The following KLHL1 variants were observed in gnomAD, a reference collection of about 807,000 sequenced individuals.
KLHL1 encodes kelch like family member 1, also known as kelch-like protein 1.
Under a neutral mutation model 77.7 loss-of-function variants are expected in KLHL1, and 47 were observed. That is an observed-to-expected ratio of 0.60 (90% CI 0.48 to 0.77). KLHL1 has a LOEUF of 0.77. Among genes scored for constraint, KLHL1 ranks in the 30% least tolerant of loss-of-function variants. The pLI, the probability that KLHL1 is intolerant of heterozygous loss-of-function variation, is 0.00. For synonymous variants in KLHL1, 360 were observed against 325.2 expected, an observed-to-expected ratio of 1.11 and a Z score of -1.15; for missense variants, 925 against 910.8, an observed-to-expected ratio of 1.02 and a Z score of -0.20.
intron 8 of KLHL1, among the ~76,000 whole-genome samples, chr13:69,730,200 A>AG (rs1213921155): frequency 6.6e-6 from 1 of 152,156 alleles, no homozygotes; most frequent in East Asian, 1.9e-4. Flanking sequence ...GTCATAAAGA[A>AG]GGTCACAGAG....
chr13:69,895,726 T>TC (rs71116956), intron 4 of KLHL1, among the ~76,000 whole-genome samples: 6 of 151,350 alleles, frequency 4.0e-5, no homozygotes, highest in African/African-American at 9.7e-5. Context: ...TTTTTTTTTT[T>TC]CAAGGTCTTG....
chr13:69,917,159 T>A (rs539289174), intron 4 of KLHL1, among the ~76,000 whole-genome samples: 1 of 152,138 alleles, frequency 6.6e-6, no homozygotes, highest in East Asian at 1.9e-4. Flanking sequence ...GAGTAAGCTG[T>A]AGCAAGTCAA....
chr13:70,030,933 A>G (rs994024024), intron 1 of KLHL1, among the ~76,000 whole-genome samples: 3 of 152,246 alleles, frequency 2.0e-5, no homozygotes, highest in African/African-American at 7.2e-5. Flanking sequence ...TCCCACAGAA[A>G]TAGAAACTGC....
At chr13:70,026,524 AGCT>A (rs1885944656) in intron 1 of KLHL1, among the ~76,000 whole-genome samples, 1 of 152,144 alleles carries the variant, frequency 6.6e-6, no homozygotes, top group Admixed American at 6.6e-5. Context: ...CTTATCCTAA[AGCT>A]GTCACTAGTT....
At chr13:70,006,067 G>T (rs1418625744) in intron 1 of KLHL1, among the ~76,000 whole-genome samples, 7 of 151,876 alleles carry the variant, frequency 4.6e-5, no homozygotes, top group Admixed American at 3.3e-4. Context: ...GCTATTATGA[G>T]TTTGACTATT....
At chr13:69,812,247 A>T (rs1232252907) in intron 6 of KLHL1, among the ~76,000 whole-genome samples, 1 of 151,970 alleles carries the variant, frequency 6.6e-6, no homozygotes, top group Non-Finnish European at 1.5e-5. Flanking sequence ...TTCTAATTTG[A>T]TTGCACTGTG....
intron 1 of KLHL1, among the ~76,000 whole-genome samples, chr13:70,056,564 C>A (rs750833540): frequency 3.9e-5 from 6 of 152,058 alleles, no homozygotes; most frequent in Non-Finnish European, 8.8e-5. Flanking sequence ...AAAGATAGAC[C>A]ATATGACTGG....
intron 9 of KLHL1, among the ~76,000 whole-genome samples, chr13:69,713,793 C>T (rs1178945972): frequency 6.6e-6 from 1 of 151,944 alleles, no homozygotes; most frequent in Non-Finnish European, 1.5e-5. Flanking sequence ...CCCTTAGAGA[C>T]AATATTTGTT....
chr13:69,706,306 G>T (rs1334183751), intron 10 of KLHL1, among the ~76,000 whole-genome samples: 1 of 151,492 alleles, frequency 6.6e-6, no homozygotes, highest in Non-Finnish European at 1.5e-5. Flanking sequence ...CCTATTTTTG[G>T]TGAAGTCAAG....
chr13:70,062,535 A>G (rs1312336513), intron 1 of KLHL1, among the ~76,000 whole-genome samples: 1 of 152,198 alleles, frequency 6.6e-6, no homozygotes, highest in Non-Finnish European at 1.5e-5. Flanking sequence ...TAACATGTAT[A>G]CCTATGTAAC....
chr13:69,928,556 T>G (rs1209478162), intron 4 of KLHL1, among the ~76,000 whole-genome samples: 1 of 152,130 alleles, frequency 6.6e-6, no homozygotes, highest in Non-Finnish European at 1.5e-5. Flanking sequence ...ATAAATAAAA[T>G]GAGGCATATC....
rs553135218 is a variant in KLHL1, at chr13:70,071,202, G to T, written c.497+36001C>A. 2.2e-4 allele frequency among the ~76,000 whole-genome samples: 34 copies of T among 152,036 alleles called. 1 individual carries two copies. The highest frequency in any genetic ancestry group is 4.6e-4 in the Non-Finnish European group (31 of 68,002). On this transcript the variant is annotated intron_variant, in intron 1 of 10. Coordinates refer to ENST00000377844, the MANE Select transcript of KLHL1 (RefSeq NM_020866.3). ...AGATTAGAAGTAAGCAACGGGGAAA[G>T]ATATACCAGGCTGGAGTAGCTATAT...
At chr13:69,758,116 T>A (rs893739987) in intron 7 of KLHL1, among the ~76,000 whole-genome samples, 2 of 152,088 alleles carry the variant, frequency 1.3e-5, no homozygotes, top group African/African-American at 2.4e-5. Flanking sequence ...AAATCTGAGA[T>A]AGCATGAAAC....
chr13:70,091,140 C>T (rs1353949318), intron 1 of KLHL1, among the ~76,000 whole-genome samples: 4 of 151,912 alleles, frequency 2.6e-5, no homozygotes, highest in East Asian at 3.9e-4. Flanking sequence ...ATCCTTCTCC[C>T]TTATTCATCT....
At chr13:69,948,821 C>G (rs1883613280) in intron 3 of KLHL1, among the ~76,000 whole-genome samples, 1 of 151,758 alleles carries the variant, frequency 6.6e-6, no homozygotes, top group Admixed American at 6.6e-5. Context: ...TGTATATTTC[C>G]AAAGGTATTG....
At chr13:69,736,195 GAAAC>G (rs199525417) in intron 8 of KLHL1, among the ~76,000 whole-genome samples, 5,332 of 151,874 alleles carry the variant, frequency 0.035, 278 homozygotes, top group African/African-American at 0.12. Flanking sequence ...TAGCAAGAAA[GAAAC>G]AAACAATCCC....
chr13:69,736,580 A>G (rs998932276), intron 8 of KLHL1, among the ~76,000 whole-genome samples: 1 of 152,112 alleles, frequency 6.6e-6, no homozygotes, highest in Non-Finnish European at 1.5e-5. Context: ...CAAAAAAGAT[A>G]CTTGCACATG....
chr13:69,721,869 T>C (rs867700895), intron 8 of KLHL1, among the ~76,000 whole-genome samples: 1 of 152,038 alleles, frequency 6.6e-6, no homozygotes, highest in African/African-American at 2.4e-5. Context: ...AATAGGAACA[T>C]TTTAAAAAAC....
At chr13:69,896,817 C>T (rs1029973019) in intron 4 of KLHL1, among the ~76,000 whole-genome samples, 12 of 151,852 alleles carry the variant, frequency 7.9e-5, no homozygotes, top group Middle Eastern at 3.4e-3. Context: ...TACAGGCGCA[C>T]ACCACCACCT....
Sources: allele counts gnomAD v4.1 joint callset (sites outside exome capture counted in the v4.1 genomes callset), GRCh38; gene constraint gnomAD v4.1.1; transcripts MANE v1.5; gene names NCBI Gene and HGNC (gene_info 2026-07-23, HGNC 2026-07-21).